UNC13A: variants seen among roughly 807,000 people sequenced by gnomAD.
The protein encoded by UNC13A is unc-13 homolog A, also known as protein unc-13 homolog A.
A neutral mutation model predicts 219.7 loss-of-function variants in UNC13A; 61 were observed. The observed-to-expected ratio is 0.28, with a 90% confidence interval of 0.23 to 0.34. The LOEUF (loss-of-function observed/expected upper bound fraction) is 0.34. Among genes scored for constraint, UNC13A ranks in the 10% least tolerant of loss-of-function variants. The pLI is 1.00. For synonymous variants in UNC13A, 920 were observed against 884.6 expected, an observed-to-expected ratio of 1.04 and a Z score of -0.71; for missense variants, 1,476 against 2,270.3, an observed-to-expected ratio of 0.65 and a Z score of 7.11.
At chr19:17,658,796 A>G (rs2079505175) in intron 8 of UNC13A, among the ~76,000 whole-genome samples, 1 of 152,230 alleles carries the variant, frequency 6.6e-6, no homozygotes, top group Non-Finnish European at 1.5e-5. Context: ...AGATGCTGAG[A>G]CATGGTTCTG....
intron 30 of UNC13A, 87 bp downstream of exon 30, chr19:17,630,058 C>T (rs1338554001): frequency 1.4e-6 from 2 of 1,438,300 alleles, no homozygotes; most frequent in African/African-American, 1.4e-5. Context: ...CAACCTCAAC[C>T]TCAACCTTAG....
rs970869949 is a variant in UNC13A, at chr19:17,603,535, C to T, written c.*2519G>A. On this transcript the variant is annotated 3_prime_UTR_variant, in exon 44 of 44. Coordinates refer to ENST00000519716, the MANE Select transcript of UNC13A (RefSeq NM_001080421.3). Reference sequence around the variant, plus strand: ...CTTCCCAACCCTGTATGAGAATTTGCATTTTAACCTTTGGTTCAGAACCTC... The same window carrying T: ...CTTCCCAACCCTGTATGAGAATTTGTATTTTAACCTTTGGTTCAGAACCTC... 6.6e-6 allele frequency: 1 copy of T among 152,338 alleles called. No homozygotes were observed. Among genetic ancestry groups the T allele is most frequent in the Middle Eastern group, 3.4e-3 (1 of 294 alleles). The allele number at this position is 152,338 out of a possible 1,614,324, so 9.4% of individuals were successfully genotyped here. A position where few individuals can be genotyped will look rare whatever the true frequency, so the allele number is the denominator to read the frequency against.
Position 17,649,134 on chromosome 19 carries a change from C to A in UNC13A, c.1525-151G>T. ...GTCACCGACAGCATCCGGGCCAGAC[C>A]CAACAAAGAATTAGGAGGTGACAGA... On this transcript the variant is annotated intron_variant, in intron 14 of 43. Coordinates refer to ENST00000519716, the MANE Select transcript of UNC13A (RefSeq NM_001080421.3). This position sits in a 1 kb window ranked among gnomAD's most constrained non-coding sequence, Gnocchi z 4.4. 1 of 1,195,882 alleles carries A rather than the reference C, an allele frequency of 8.4e-7. No individual in the cohort carries two copies. Among genetic ancestry groups the A allele is most frequent in the South Asian group, 1.4e-5 (1 of 68,992 alleles). The allele number at this position is 1,195,882 out of a possible 1,614,324, so 74.1% of individuals were successfully genotyped here.
intron 36 of UNC13A, among the ~76,000 whole-genome samples, 195 bp from the exon 37 acceptor site, chr19:17,622,065 C>T (rs569610110): frequency 2.0e-5 from 3 of 152,198 alleles, no homozygotes; most frequent in African/African-American, 7.2e-5. Flanking sequence ...TAGTGACTCA[C>T]TCTTAAATGG....
chr19:17,663,614 G>A, intron 7 of UNC13A, 47 bp from the exon 8 acceptor site: 7 of 1,572,458 alleles, frequency 4.5e-6, no homozygotes, highest in Non-Finnish European at 6.0e-6. Context: ...AGACAGAGGG[G>A]TGGGTGTAGG....
chr19:17,645,432 G>A (rs921936450), intron 19 of UNC13A, among the ~76,000 whole-genome samples: 1 of 152,012 alleles, frequency 6.6e-6, no homozygotes, highest in Admixed American at 6.6e-5. Context: ...AGAACATGGA[G>A]ATTCTGTCCC....
At position 17,606,097 on chromosome 19, in the gene UNC13A, T is replaced by G; in HGVS notation, c.5069A>C (p.Asp1690Ala). The stretch of plus-strand genomic sequence containing the variant: ...ACCGCCCTCCTCGGCGGAGCGCGTG[T>G]CCGACTTGAGCTTCACGAACTCCTT... ...VAKEFVKLKS[D>A]TRSAEEGGAA... is the part of the protein sequence containing the mutation. Residue 1690 changes from aspartate (D) to alanine (A), a missense_variant, in exon 44 of 44, where the codon GAC (aspartate) becomes GCC (alanine). By Grantham distance (126) the Asp-to-Ala change is moderately radical (BLOSUM62 -2). Coordinates refer to ENST00000519716, the MANE Select transcript of UNC13A (RefSeq NM_001080421.3). The G allele has an allele frequency of 6.3e-7, 1 of 1,592,794 alleles. No homozygotes were observed. The highest frequency in any genetic ancestry group is 8.5e-7 in the Non-Finnish European group (1 of 1,172,300).
intron 7 of UNC13A, among the ~76,000 whole-genome samples, chr19:17,665,970 A>G (rs1212140841): frequency 6.6e-6 from 1 of 152,098 alleles, no homozygotes; most frequent in Non-Finnish European, 1.5e-5. Flanking sequence ...CCACATAGCA[A>G]GGTGGGAATC....
chr19:17,619,362 C>T (rs1397776196), intron 38 of UNC13A, among the ~76,000 whole-genome samples: 2 of 135,536 alleles, frequency 1.5e-5, no homozygotes, highest in Non-Finnish European at 3.4e-5. Context: ...AACACTTCCT[C>T]CTCCTCAAGG....
chr19:17,629,051 C>T (rs1307341015), intron 31 of UNC13A, among the ~76,000 whole-genome samples, 189 bp downstream of exon 31: 2 of 152,130 alleles, frequency 1.3e-5, no homozygotes, highest in Non-Finnish European at 2.9e-5. Context: ...TACACTCAGA[C>T]ACACACAACT....
At chr19:17,643,028 T>TA in intron 19 of UNC13A, 68 bp from the exon 20 acceptor site, 2 of 1,252,980 alleles carry the variant, frequency 1.6e-6, no homozygotes, top group Non-Finnish European at 1.1e-6. Flanking sequence ...TTTTTTTTTT[T>TA]AAGAGGGAGT....
chr19:17,672,022 C>T (rs1017826801), intron 4 of UNC13A, among the ~76,000 whole-genome samples: 7 of 152,268 alleles, frequency 4.6e-5, no homozygotes, highest in African/African-American at 1.7e-4. Flanking sequence ...GACTACATTT[C>T]CCAGAATCCC....
chr19:17,647,216 C>A lies in UNC13A; in HGVS notation c.2044+49G>T, dbSNP rs754982506. 4.4e-5 allele frequency: 67 copies of A among 1,511,696 alleles called. No homozygotes were observed. In the South Asian group the frequency reaches 5.6e-4, roughly 13 times the overall value. The allele number at this position is 1,511,696 out of a possible 1,614,324, so 93.6% of individuals were successfully genotyped here. A position where few individuals can be genotyped will look rare whatever the true frequency, so the allele number is the denominator to read the frequency against. On this transcript the variant is annotated intron_variant, in intron 17 of 43. Transcript: ENST00000519716. ...CCATGGGACAGGGCATGAGACAGGT[C>A]TCAGAGGGTGGAGAAGGAGGGGCCC...
chr19:17,630,624 AG>A, intron 29 of UNC13A, 29 bp downstream of exon 29: 1 of 1,611,676 alleles, frequency 6.2e-7, no homozygotes, highest in South Asian at 1.1e-5. Flanking sequence ...TGGGAAGATT[AG>A]GAACTTGGTT....
At chr19:17,641,627 G>T in intron 20 of UNC13A, 71 bp from the exon 21 acceptor site, 2 of 1,504,084 alleles carry the variant, frequency 1.3e-6, no homozygotes, top group South Asian at 2.4e-5. Context: ...CCCAGGGTCT[G>T]GGGCAGCTTA....
intron 31 of UNC13A, chr19:17,628,318 CCTCA>C: frequency 5.2e-6 from 1 of 192,704 alleles, no homozygotes. Context: ...AGGCGTGTGC[CCTCA>C]CCCCGAGATA....
intron 4 of UNC13A, 113 bp from the exon 5 acceptor site, chr19:17,669,789 T>C (rs990099984): frequency 1.7e-5 from 22 of 1,275,606 alleles, no homozygotes; most frequent in Admixed American, 1.6e-4. Flanking sequence ...ACCAAAGTCA[T>C]GTCCCCTCTC....
Position 17,615,709 on chromosome 19 carries a change from G to A in UNC13A, c.4558+1993C>T, listed in dbSNP as rs1015304702. 5.9e-4 allele frequency among the ~76,000 whole-genome samples: 90 copies of A among 151,946 alleles called. 1 individual carries two copies. The highest frequency in any genetic ancestry group is 2.1e-3 in the African/African-American group (87 of 41,432). On this transcript the variant is annotated intron_variant, in intron 41 of 43. Transcript: ENST00000519716. ...AACAACAACAACAAAACCAAACACA[G>A]ATTCTTCAAGAAATGCCTGGCACAA...
intron 1 of UNC13A, among the ~76,000 whole-genome samples, chr19:17,683,569 A>G (rs1422462520): frequency 8.7e-4 from 132 of 151,132 alleles, no homozygotes; most frequent in African/African-American, 3.1e-3. Context: ...GAGGCAGGAA[A>G]ATCGCTTGAA....
Sources: gnomAD v4.1 joint callset for allele counts (sites outside exome capture counted in the v4.1 genomes callset) on GRCh38, gnomAD v4.1.1 for gene constraint, Gnocchi (gnomAD v3.1) non-coding constraint, MANE v1.5 for transcripts, NCBI Gene and HGNC (gene_info 2026-07-23, HGNC 2026-07-21) for gene names.